Variants in MAGI1 observed in about 807,000 individuals in gnomAD.
MAGI1 encodes the protein membrane-associated guanylate kinase, WW and PDZ domain-containing protein 1.
MAGI1 carries 58 observed loss-of-function variants against 139.9 expected under a neutral mutation model. That is an observed-to-expected ratio of 0.41 (90% CI 0.34 to 0.52). MAGI1 has a LOEUF of 0.52. MAGI1 is among the 20% of genes least tolerant of loss of function. The probability of loss-of-function intolerance (pLI) is 0.12; values close to 1 mark genes in which losing one functional copy is unlikely to be tolerated. For missense variants in MAGI1, 1,874 were observed against 1,901.6 expected (o/e 0.99, Z 0.27); for synonymous variants, 812 against 737.9 (o/e 1.10, Z -1.63).
chr3:65,565,022 C>T (rs925371143), intron 2 of MAGI1, among the ~76,000 whole-genome samples: 3 of 152,118 alleles, frequency 2.0e-5, no homozygotes, highest in Admixed American at 6.6e-5. Context: ...GATACTGTGA[C>T]GATTATTTCA....
At chr3:65,971,179 G>T (rs1553740877) in intron 1 of MAGI1, among the ~76,000 whole-genome samples, 1 of 152,224 alleles carries the variant, frequency 6.6e-6, no homozygotes, top group Non-Finnish European at 1.5e-5. Flanking sequence ...CTCCAGCCTG[G>T]AAACAGAGCG....
intron 14 of MAGI1, among the ~76,000 whole-genome samples, chr3:65,387,701 A>G (rs961666200): frequency 2.0e-5 from 3 of 152,220 alleles, no homozygotes; most frequent in Non-Finnish European, 2.9e-5. Flanking sequence ...GAATAGTCTT[A>G]TATTTAGAGA....
At position 65,461,207 on chromosome 3, in the gene MAGI1, TTTTA is replaced by T. The variant is rs747091162; in HGVS notation, c.960-7871_960-7868del. The stretch of plus-strand genomic sequence containing the variant: ...CTCTGGCATCTGTTGTTTCTTGACT[TTTTA>T]TTTATTTATTTATTTATTTTTTGCG... On this transcript the variant is annotated intron_variant, in intron 5 of 22. Transcript: ENST00000402939. 5.3e-5 allele frequency among the ~76,000 whole-genome samples: 8 copies of T among 151,942 alleles called. No individual in the cohort carries two copies. In the East Asian group the frequency reaches 7.8e-4, roughly 15 times the overall value.
chr3:65,610,918 CTATATAGTAGATAGTA>C (rs1417247098), intron 2 of MAGI1, among the ~76,000 whole-genome samples: 26 of 135,062 alleles, frequency 1.9e-4, no homozygotes, highest in African/African-American at 6.1e-4. Context: ...TATATAGACA[CTATATAGTAGATAGTA>C]TATATAGTAG....
rs1023663217 is a variant in MAGI1 at position 65,379,322 on chromosome 3, G to A, written c.2934C>T (p.Asn978=). The change falls in exon 17 of 23, where the codon AAC becomes AAT. Residue 978 remains asparagine (N), a synonymous_variant. Transcript: ENST00000402939. ...ACACGATGACGAAGCCGAAGCCCTC[G>A]TTCTCCCCGCGCCGGATCTCCACGT... ...PYDVEIRRGE[N]EGFGFVIVSS... The A allele has an allele frequency of 8.7e-6, 14 of 1,613,280 alleles. No homozygotes were observed. Among genetic ancestry groups the A allele is most frequent in the African/African-American group, 1.3e-5 (1 of 74,944 alleles).
intron 1 of MAGI1, among the ~76,000 whole-genome samples, chr3:65,816,906 C>G (rs2041639675): frequency 6.6e-6 from 1 of 152,140 alleles, no homozygotes; most frequent in East Asian, 1.9e-4. Context: ...ATCTTTGGCA[C>G]CTACTCCAGT....
chr3:65,476,675 G>A (rs375133739), intron 4 of MAGI1, among the ~76,000 whole-genome samples: 21 of 152,236 alleles, frequency 1.4e-4, no homozygotes, highest in African/African-American at 2.9e-4. Context: ...CTGTTTTGCC[G>A]CACACTACCC....
chr3:65,847,933 A>G (rs1400412223), intron 1 of MAGI1, among the ~76,000 whole-genome samples: 1 of 152,116 alleles, frequency 6.6e-6, no homozygotes, highest in Non-Finnish European at 1.5e-5. Flanking sequence ...AACTTGAGAG[A>G]CTGGGGTTGG....
At chr3:65,679,507 G>A (rs1286831370) in intron 1 of MAGI1, among the ~76,000 whole-genome samples, 2 of 152,022 alleles carry the variant, frequency 1.3e-5, no homozygotes, top group East Asian at 1.9e-4. Context: ...AAGTTGCAGT[G>A]AGCCAAGATC....
chr3:65,615,936 TA>T (rs2106988849), intron 2 of MAGI1, among the ~76,000 whole-genome samples: 1 of 152,336 alleles, frequency 6.6e-6, no homozygotes, highest in Non-Finnish European at 1.5e-5. Flanking sequence ...ATCTTGTGTT[TA>T]AAGTGATTTC....
At chr3:65,671,551 A>C (rs899405268) in intron 1 of MAGI1, among the ~76,000 whole-genome samples, 1 of 152,180 alleles carries the variant, frequency 6.6e-6, no homozygotes, top group African/African-American at 2.4e-5. Flanking sequence ...AGAAATGCCT[A>C]GGGTATATTT....
At chr3:65,582,621 C>A (rs544059421) in intron 2 of MAGI1, among the ~76,000 whole-genome samples, 2 of 152,088 alleles carry the variant, frequency 1.3e-5, no homozygotes, top group Non-Finnish European at 1.5e-5. Flanking sequence ...CTGTTGAAAG[C>A]AAGCTTCTCC....
chr3:65,391,078 T>C, intron 14 of MAGI1, 64 bp downstream of exon 14: 4 of 1,398,706 alleles, frequency 2.9e-6, no homozygotes, highest in Non-Finnish European at 4.0e-6. Context: ...TTCAATAACC[T>C]TCAAGAGAAA....
chr3:65,419,246 A>ACACATAC (rs1559538680), intron 12 of MAGI1, among the ~76,000 whole-genome samples: 1 of 150,068 alleles, frequency 6.7e-6, no homozygotes. Flanking sequence ...ACACACACAC[A>ACACATAC]AGTGTATGAA....
chr3:65,763,963 T>C (rs751893173), intron 1 of MAGI1, among the ~76,000 whole-genome samples: 3 of 150,368 alleles, frequency 2.0e-5, no homozygotes, highest in Non-Finnish European at 4.4e-5. Flanking sequence ...TGCCAGCTAC[T>C]GGGGAGGCTG....
chr3:65,760,148 TTCC>T (rs34314563), intron 1 of MAGI1, among the ~76,000 whole-genome samples: 6,716 of 150,226 alleles, frequency 0.045, 302 homozygotes, highest in African/African-American at 0.12. Flanking sequence ...TGTCTTCAAC[TTCC>T]TCCTCCTCCT....
At chr3:65,840,317 C>T (rs34493052) in intron 1 of MAGI1, among the ~76,000 whole-genome samples, 68,337 of 151,930 alleles carry the variant, frequency 0.45, 17,256 homozygotes, top group East Asian at 0.76. Context: ...GTGGAGAAAA[C>T]GGACATCTAT....
chr3:65,863,741 C>T (rs191875371), intron 1 of MAGI1, among the ~76,000 whole-genome samples: 3 of 152,288 alleles, frequency 2.0e-5, no homozygotes, highest in Non-Finnish European at 4.4e-5. Flanking sequence ...CAGCAATAAT[C>T]TAAACGCAAC....
intron 1 of MAGI1, among the ~76,000 whole-genome samples, chr3:66,032,038 C>A (rs899512425): frequency 2.6e-5 from 4 of 152,166 alleles, no homozygotes; most frequent in Non-Finnish European, 5.9e-5. Flanking sequence ...AGAAAGCCTG[C>A]TAATTGGAAG....
Sources: allele counts gnomAD v4.1 joint callset (sites outside exome capture counted in the v4.1 genomes callset), GRCh38; gene constraint gnomAD v4.1.1; transcripts MANE v1.5; gene names NCBI Gene and HGNC (gene_info 2026-07-23, HGNC 2026-07-21).